FAM13A: variants seen among roughly 807,000 people sequenced by gnomAD.
FAM13A encodes the protein family with sequence similarity 13 member A.
A neutral mutation model predicts 129.6 loss-of-function variants in FAM13A; 76 were observed. The observed-to-expected ratio is 0.59, with a 90% CI of 0.49 to 0.71. The LOEUF (loss-of-function observed/expected upper bound fraction) is 0.71, where lower values mean the gene tolerates loss of function less well. Among genes scored for constraint, FAM13A ranks in the 30% least tolerant of loss-of-function variants. The pLI is 0.00. For synonymous variants in FAM13A, 443 were observed against 449.9 expected (o/e 0.98, Z 0.20); for missense variants, 1,108 against 1,249.3 (o/e 0.89, Z 1.70).
intron 4 of FAM13A, among the ~76,000 whole-genome samples, chr4:88,986,284 C>T (rs549608648): frequency 1.3e-5 from 2 of 152,252 alleles, no homozygotes; most frequent in African/African-American, 4.8e-5. Flanking sequence ...CAGGCATCTG[C>T]CACCACACCT....
rs952369921 is a variant in FAM13A, at chr4:88,758,959, C to G, written c.1579-58G>C. ...ACTGCTCACCAAAACCCCAAGACGT[C>G]TGCAGCAATTCCACTCCTTCAGGAT... On this transcript the variant is annotated intron_variant, in intron 13 of 23. Transcript: ENST00000264344. 9 of 1,552,390 alleles carry G rather than the reference C, an allele frequency of 5.8e-6. No individual in the cohort carries two copies. The African/African-American group carries it at 1.1e-4, about 19-fold the overall frequency.
At chr4:88,876,608 T>C (rs907953525) in intron 6 of FAM13A, among the ~76,000 whole-genome samples, 1 of 152,142 alleles carries the variant, frequency 6.6e-6, no homozygotes, top group Non-Finnish European at 1.5e-5. Context: ...TCTTTTTTTT[T>C]TGAGACAGAG....
chr4:89,050,706 T>A (rs62308627), intron 1 of FAM13A, among the ~76,000 whole-genome samples: 29,765 of 151,616 alleles, frequency 0.2, 3,810 homozygotes, highest in Middle Eastern at 0.36. Flanking sequence ...GGCGGGTGGA[T>A]CACCTGAGGT....
intron 17 of FAM13A, 69 bp from the exon 18 acceptor site, chr4:88,747,920 C>G (rs752880912): frequency 1.1e-5 from 13 of 1,163,744 alleles, no homozygotes; most frequent in African/African-American, 4.7e-5. Context: ...GATGGAGTCT[C>G]GCTCTGTCGC....
chr4:89,043,027 A>G (rs1402567347), intron 1 of FAM13A, among the ~76,000 whole-genome samples: 1 of 152,250 alleles, frequency 6.6e-6, no homozygotes, highest in Non-Finnish European at 1.5e-5. Flanking sequence ...TGATTTGCAT[A>G]TGTGATGCCA....
At chr4:88,778,157 G>C (rs1578610123) in intron 11 of FAM13A, among the ~76,000 whole-genome samples, 1 of 152,096 alleles carries the variant, frequency 6.6e-6, no homozygotes, top group Non-Finnish European at 1.5e-5. Context: ...TCTAAGGAGG[G>C]CATTCTCCCG....
At chr4:88,779,973 C>T (rs549058829) in intron 11 of FAM13A, among the ~76,000 whole-genome samples, 2 of 152,164 alleles carry the variant, frequency 1.3e-5, no homozygotes, top group African/African-American at 4.8e-5. Flanking sequence ...AATTAGAGAG[C>T]TAATGAAGTT....
intron 4 of FAM13A, among the ~76,000 whole-genome samples, chr4:88,965,218 T>TGA (rs796122165): frequency 2.0e-5 from 3 of 152,264 alleles, no homozygotes; most frequent in East Asian, 3.9e-4. Flanking sequence ...TGCCTTTCAC[T>TGA]GAGAGAGAGA....
chr4:88,976,074 G>A (rs745322082), intron 4 of FAM13A, among the ~76,000 whole-genome samples: 2 of 152,188 alleles, frequency 1.3e-5, no homozygotes, highest in African/African-American at 2.4e-5. Flanking sequence ...AAGTAAGATC[G>A]TGAATGTAGA....
At chr4:88,884,043 G>A (rs1744027058) in intron 6 of FAM13A, among the ~76,000 whole-genome samples, 1 of 151,916 alleles carries the variant, frequency 6.6e-6, no homozygotes, top group African/African-American at 2.4e-5. Context: ...AAAAAGTCCA[G>A]GAAAAGATGG....
At chr4:89,051,514 C>A (rs528128296) in intron 1 of FAM13A, among the ~76,000 whole-genome samples, 3 of 152,270 alleles carry the variant, frequency 2.0e-5, no homozygotes, top group African/African-American at 7.2e-5. Context: ...TTTTCGCATG[C>A]AAAATACATT....
At chr4:89,003,574 A>C (rs13146548) in intron 3 of FAM13A, among the ~76,000 whole-genome samples, 57,720 of 151,820 alleles carry the variant, frequency 0.38, 12,007 homozygotes, top group Middle Eastern at 0.53. Context: ...CAGAGGTTGC[A>C]GTGAGCTGGA....
intron 6 of FAM13A, among the ~76,000 whole-genome samples, chr4:88,863,202 G>C (rs1030977956): frequency 1.3e-5 from 2 of 152,272 alleles, no homozygotes; most frequent in Admixed American, 1.3e-4. Context: ...ACAGCCTCTA[G>C]AGAGGGGAAA....
chr4:88,924,849 A>T (rs1176410228), intron 5 of FAM13A, among the ~76,000 whole-genome samples: 1 of 151,354 alleles, frequency 6.6e-6, no homozygotes, highest in South Asian at 2.1e-4. Flanking sequence ...AACTCAAACA[A>T]ATTTACAAGA....
At chr4:88,900,426 CT>C (rs1437302537) in intron 6 of FAM13A, among the ~76,000 whole-genome samples, 3 of 151,894 alleles carry the variant, frequency 2.0e-5, no homozygotes, top group Non-Finnish European at 2.9e-5. Context: ...AAAGGGAAGC[CT>C]ATCAGACTAA....
At chr4:89,006,337 A>C (rs1765002821) in intron 3 of FAM13A, among the ~76,000 whole-genome samples, 1 of 152,244 alleles carries the variant, frequency 6.6e-6, no homozygotes, top group African/African-American at 2.4e-5. Flanking sequence ...TTAAATATTT[A>C]GTATGTGACT....
chr4:88,771,822 C>A (rs1225696506), intron 11 of FAM13A, among the ~76,000 whole-genome samples: 1 of 152,120 alleles, frequency 6.6e-6, no homozygotes, highest in Admixed American at 6.5e-5. Flanking sequence ...AGATTCACTA[C>A]AACATAATTT....
chr4:88,782,418 A>G (rs1279120904), intron 10 of FAM13A, among the ~76,000 whole-genome samples: 4 of 152,134 alleles, frequency 2.6e-5, no homozygotes, highest in African/African-American at 4.8e-5. Context: ...GAGTTAATGT[A>G]CCTCCCTAAA....
chr4:88,794,106 G>A (rs148504767), intron 8 of FAM13A, among the ~76,000 whole-genome samples: 6 of 151,760 alleles, frequency 4.0e-5, no homozygotes, highest in Admixed American at 6.6e-5. Context: ...TTTTTTCAGC[G>A]TCTTTGACTG....
Sources: gnomAD v4.1 joint callset for allele counts (sites outside exome capture counted in the v4.1 genomes callset) on GRCh38, gnomAD v4.1.1 for gene constraint, MANE v1.5 for transcripts, NCBI Gene and HGNC (gene_info 2026-07-23, HGNC 2026-07-21) for gene names.